The following RBMS3 variants were observed in gnomAD, a reference collection of about 807,000 sequenced individuals.
RBMS3 encodes the protein RNA binding motif single stranded interacting protein 3, also known as RNA-binding motif, single-stranded-interacting protein 3.
In RBMS3, 27 loss-of-function variants were observed where a neutral mutation model predicts 66.8. The observed-to-expected ratio is 0.40, with a 90% CI of 0.30 to 0.56. The LOEUF is 0.56. Ranked by LOEUF, RBMS3 falls within the 20% of genes least tolerant of loss-of-function variation. The pLI is 0.40. For synonymous variants in RBMS3, 188 were observed against 183.0 expected (o/e 1.03, Z -0.22); for missense variants, 513 against 549.5 (o/e 0.93, Z 0.66).
intron 6 of RBMS3, among the ~76,000 whole-genome samples, chr3:29,793,230 C>A (rs1214690845): frequency 3.2e-4 from 38 of 117,110 alleles, no homozygotes; most frequent in Admixed American, 3.5e-4. Context: ...GACTCCATCT[C>A]AAAAAAAAAA....
intron 4 of RBMS3, among the ~76,000 whole-genome samples, chr3:29,658,340 T>A (rs1382932961): frequency 6.6e-6 from 1 of 152,140 alleles, no homozygotes; most frequent in African/African-American, 2.4e-5. Flanking sequence ...GTCACCTGAG[T>A]GTCATGTTAA....
At chr3:29,388,795 ACC>A (rs1405225215) in intron 1 of RBMS3, among the ~76,000 whole-genome samples, 2 of 152,122 alleles carry the variant, frequency 1.3e-5, no homozygotes, top group Non-Finnish European at 2.9e-5. Flanking sequence ...CAATCTCCTG[ACC>A]TCGTGATCCG....
chr3:29,767,312 T>C (rs2055973092), intron 6 of RBMS3: 1 of 151,758 alleles, frequency 6.6e-6, no homozygotes, highest in African/African-American at 2.4e-5. Context: ...ACATTTGTTT[T>C]TTCCTGTAAG....
intron 1 of RBMS3, among the ~76,000 whole-genome samples, chr3:29,293,699 T>G (rs1337676745): frequency 6.6e-6 from 1 of 151,660 alleles, no homozygotes; most frequent in African/African-American, 2.4e-5. Context: ...CAGATTGTCC[T>G]TCCTAGGGCT....
chr3:29,993,850 G>C (rs1384125490), intron 14 of RBMS3, among the ~76,000 whole-genome samples: 2 of 152,140 alleles, frequency 1.3e-5, no homozygotes, highest in African/African-American at 4.8e-5. Flanking sequence ...GATCATTGTA[G>C]ATCATGGGAC....
chr3:29,425,424 T>C (rs2040918017), intron 1 of RBMS3, among the ~76,000 whole-genome samples: 1 of 151,270 alleles, frequency 6.6e-6, no homozygotes, highest in African/African-American at 2.4e-5. Flanking sequence ...AATTGTAATT[T>C]TAGGGAAATA....
intron 1 of RBMS3, among the ~76,000 whole-genome samples, chr3:29,298,614 A>G (rs1180623706): frequency 6.6e-6 from 1 of 151,616 alleles, no homozygotes; most frequent in African/African-American, 2.4e-5. Context: ...TTTTCCGGGA[A>G]ATATTTGGTT....
Position 29,310,424 on chromosome 3 carries a change from A to C in RBMS3, c.75+28668A>C, listed in dbSNP as rs374002784. ...AACACAAGAGACTGTTATTAAATGC[A>C]TGGGAATTACATGTATGGTAGAATT... is the stretch of plus-strand genomic sequence containing the variant. On this transcript the variant is annotated intron_variant, in intron 1 of 14. Transcript: ENST00000383767. 3.3e-4 allele frequency among the ~76,000 whole-genome samples: 50 copies of C among 151,806 alleles called. 1 individual carries two copies. The South Asian group carries it at 0.01, about 31-fold the overall frequency.
intron 1 of RBMS3, among the ~76,000 whole-genome samples, chr3:29,298,912 G>T (rs1401169588): frequency 1.3e-5 from 2 of 151,782 alleles, no homozygotes; most frequent in Non-Finnish European, 2.9e-5. Context: ...TCTCCCTATT[G>T]CCACCACTGC....
chr3:29,937,329 AC>A (rs2061292110), intron 11 of RBMS3, among the ~76,000 whole-genome samples: 1 of 151,958 alleles, frequency 6.6e-6, no homozygotes, highest in African/African-American at 2.4e-5. Flanking sequence ...AATTATGCTG[AC>A]TCATTCTCCA....
intron 1 of RBMS3, among the ~76,000 whole-genome samples, chr3:29,361,548 G>A (rs1463028360): frequency 6.6e-6 from 1 of 152,106 alleles, no homozygotes. Flanking sequence ...TTCTTGAGGA[G>A]TATCTTTGTG....
At chr3:29,435,550 C>T (rs1483779381) in intron 2 of RBMS3, among the ~76,000 whole-genome samples, 1 of 152,198 alleles carries the variant, frequency 6.6e-6, no homozygotes, top group Admixed American at 6.5e-5. Context: ...CATGAATCTA[C>T]TATCTACCAA....
intron 6 of RBMS3, among the ~76,000 whole-genome samples, chr3:29,768,908 T>G (rs1188199424): frequency 6.6e-6 from 1 of 151,912 alleles, no homozygotes; most frequent in Non-Finnish European, 1.5e-5. Flanking sequence ...AACTACCTTG[T>G]CCCTTGCTCT....
intron 1 of RBMS3, among the ~76,000 whole-genome samples, chr3:29,395,895 G>A (rs2039525006): frequency 6.6e-6 from 1 of 152,138 alleles, no homozygotes; most frequent in South Asian, 2.1e-4. Flanking sequence ...GATGGAGGCT[G>A]GAATTATTGG....
Position 29,609,234 on chromosome 3 carries a change from G to A in RBMS3, c.399+22029G>A, listed in dbSNP as rs117579028. On this transcript the variant is annotated intron_variant, in intron 4 of 14. Coordinates refer to ENST00000383767, the MANE Select transcript of RBMS3 (RefSeq NM_001003793.3). ...TGAGACAGGTTAACGAACACTTTAA[G>A]TGAAGATGACACTTAATGTAGTACT... is the stretch of plus-strand genomic sequence containing the variant. Among the ~76,000 whole-genome samples, 160 of 152,094 alleles carry A rather than the reference G, an allele frequency of 1.1e-3. 5 individuals are homozygous for A. In the East Asian group the frequency reaches 0.029, roughly 28 times the overall value.
intron 3 of RBMS3, among the ~76,000 whole-genome samples, chr3:29,523,444 A>G (rs1403633314): frequency 1.3e-5 from 2 of 151,720 alleles, no homozygotes; most frequent in East Asian, 1.9e-4. Flanking sequence ...GTTCATTTTT[A>G]TACTTTTTCA....
At chr3:29,764,888 C>T (rs1380971047) in intron 6 of RBMS3, among the ~76,000 whole-genome samples, 4 of 151,916 alleles carry the variant, frequency 2.6e-5, no homozygotes, top group Non-Finnish European at 5.9e-5. Flanking sequence ...TGAGTTTTCT[C>T]ACTCATTTTT....
intron 1 of RBMS3, among the ~76,000 whole-genome samples, chr3:29,431,301 C>T (rs78715365): frequency 0.2 from 26,825 of 131,794 alleles, 3,255 homozygotes; most frequent in Non-Finnish European, 0.28. Context: ...TTTTCCTTTT[C>T]TTTTTTTTTT....
At chr3:29,948,870 A>G (rs1486493454) in intron 12 of RBMS3, among the ~76,000 whole-genome samples, 1 of 151,756 alleles carries the variant, frequency 6.6e-6, no homozygotes, top group Non-Finnish European at 1.5e-5. Flanking sequence ...GGGTAGGTCC[A>G]TTTCTTGCCC....
Sources: gnomAD v4.1 joint callset for allele counts (sites outside exome capture counted in the v4.1 genomes callset) on GRCh38, gnomAD v4.1.1 for gene constraint, MANE v1.5 for transcripts, NCBI Gene and HGNC (gene_info 2026-07-23, HGNC 2026-07-21) for gene names.